Variants in TLCD1 observed in about 807,000 individuals in gnomAD.
The protein encoded by TLCD1 is TLC domain-containing protein 1.
A neutral mutation model predicts 21.2 loss-of-function variants in TLCD1; 21 were observed. The observed-to-expected ratio is 0.99, with a 90% CI of 0.70 to 1.42. The LOEUF (loss-of-function observed/expected upper bound fraction) is 1.42, where lower values mean the gene tolerates loss of function less well. Among genes scored for constraint, TLCD1 ranks in the 40% most tolerant of loss-of-function variants. TLCD1 has a pLI of 0.00. For synonymous variants in TLCD1, 168 were observed against 134.8 expected, an observed-to-expected ratio of 1.25 and a Z score of -1.71; for missense variants, 344 against 330.3, an observed-to-expected ratio of 1.04 and a Z score of -0.32.
upstream of TLCD1, chr17:28,726,327 C>A: frequency 2.3e-6 from 2 of 871,630 alleles, no homozygotes; most frequent in African/African-American, 1.9e-5. Context: ...CCGCCCCGTC[C>A]GCCTGCCCCC....
Position 28,724,367 on chromosome 17 carries a change from T to G in TLCD1, c.*143A>C. ...AAGGACTTCAGAGGAGTACTTTCATTAGTGTTTTCAATAGTGTGGGCGCAG... is the reference window on the plus strand; with the variant it reads ...AAGGACTTCAGAGGAGTACTTTCATGAGTGTTTTCAATAGTGTGGGCGCAG... On this transcript the variant is annotated 3_prime_UTR_variant, in exon 4 of 4. Coordinates refer to ENST00000292090, the MANE Select transcript of TLCD1 (RefSeq NM_138463.4). 1 of 1,048,910 alleles carries G rather than the reference T, an allele frequency of 9.5e-7. No homozygotes were observed. Among genetic ancestry groups the G allele is most frequent in the Non-Finnish European group, 1.4e-6 (1 of 720,268 alleles). 65.0% of individuals were successfully genotyped at this position (1,048,910 alleles called of 1,614,324 possible).
In TLCD1 at chr17:28,724,404, G is replaced by A; in HGVS notation, c.*106C>T. On this transcript the variant is annotated 3_prime_UTR_variant, in exon 4 of 4. Transcript: ENST00000292090. ...TAGTGTGGGCGCAGGCTCAGAAGGT[G>A]GAGAGGCTGGCCTCAGAGGACACCC... 4 of 1,378,452 alleles carry A rather than the reference G, an allele frequency of 2.9e-6. No individual in the cohort carries two copies. Among genetic ancestry groups the A allele is most frequent in the Non-Finnish European group, 4.0e-6 (4 of 1,009,128 alleles). The allele number at this position is 1,378,452 out of a possible 1,614,324, so 85.4% of individuals were successfully genotyped here.
intron 3 of TLCD1, 111 bp downstream of exon 3, chr17:28,725,193 G>T: frequency 8.0e-7 from 1 of 1,244,976 alleles, no homozygotes; most frequent in Non-Finnish European, 1.1e-6. Flanking sequence ...GTAGCACACA[G>T]GTCGGGGGTG....
chr17:28,725,825 G>C (rs2034216046), intron 1 of TLCD1, 79 bp downstream of exon 1: 2 of 1,521,150 alleles, frequency 1.3e-6, no homozygotes, highest in Non-Finnish European at 1.8e-6. Flanking sequence ...GTGAGCGATG[G>C]GGGTAGTAAC....
At chr17:28,725,842 G>T in intron 1 of TLCD1, 62 bp downstream of exon 1, 1 of 1,563,640 alleles carries the variant, frequency 6.4e-7, no homozygotes, top group Non-Finnish European at 8.7e-7. Context: ...TAACACAAGA[G>T]CCGGCCCCGG....
chr17:28,725,421 A>G, intron 2 of TLCD1, 35 bp from the exon 3 acceptor site: 1 of 1,614,040 alleles, frequency 6.2e-7, no homozygotes, highest in Non-Finnish European at 8.5e-7. Flanking sequence ...TCATGAACTG[A>G]ACAAGCAGCT....
In TLCD1 at chr17:28,726,204, C is replaced by T; in HGVS notation, c.-107G>A. ...GCCGGCCGCCTCTCCCGCCGGCCGCCAGCCCCACACAGTTGGCGAAGCCCT... is the reference window on the plus strand; with the variant it reads ...GCCGGCCGCCTCTCCCGCCGGCCGCTAGCCCCACACAGTTGGCGAAGCCCT... On this transcript the variant is annotated 5_prime_UTR_variant, in exon 1 of 4. Transcript: ENST00000292090. 7.3e-7 allele frequency: 1 copy of T among 1,369,422 alleles called. No homozygotes were observed. The highest frequency in any genetic ancestry group is 9.4e-7 in the Non-Finnish European group (1 of 1,069,432). The allele number at this position is 1,369,422 out of a possible 1,614,324, so 84.8% of individuals were successfully genotyped here. A position where few individuals can be genotyped will look rare whatever the true frequency, so the allele number is the denominator to read the frequency against.
At position 28,724,522 on chromosome 17, in the gene TLCD1, GA is replaced by G; in HGVS notation, c.731del (p.Phe244SerfsTer2). The G allele has an allele frequency of 6.2e-7, 1 of 1,613,942 alleles. No homozygotes were observed. The highest frequency in any genetic ancestry group is 8.5e-7 in the Non-Finnish European group (1 of 1,179,878). The stretch of plus-strand genomic sequence containing the variant: ...GGCTCTGTGCCCCTCACTCAGTCAA[GA>G]ACTTGTCTTTGTGTTGCTTCTTGGG... Reference protein sequence around the residue: ...HVPKKQHKDKFLTE With the variant: ...HVPKKQHKDKXLTE On this transcript the variant is annotated frameshift_variant, in exon 4 of 4. Coordinates refer to ENST00000292090, the MANE Select transcript of TLCD1 (RefSeq NM_138463.4). LOFTEE classifies it high-confidence loss of function.
upstream of TLCD1, among the ~76,000 whole-genome samples, chr17:28,726,590 G>A (rs1171699792): frequency 1.3e-5 from 2 of 151,866 alleles, no homozygotes; most frequent in African/African-American, 4.8e-5. Flanking sequence ...AGCTCTCTCC[G>A]CCCTCTACTT....
rs2288595 is a variant in TLCD1 at position 28,725,340 on chromosome 17, C to T, written c.324G>A (p.Thr108=). The T allele has an allele frequency of 0.094, 152,413 of 1,613,804 alleles. 7,839 individuals are homozygous for T. Among genetic ancestry groups the T allele is most frequent in the East Asian group, 0.16 (7,020 of 44,882 alleles). The change falls in exon 3 of 4, where the codon ACG becomes ACA. Residue 108 remains threonine, a synonymous_variant. Transcript: ENST00000292090. ...DTVDIVASGQ[T]RASWEYLVHH... ...GGACAAGGTATTCCCAAGAGGCTCG[C>T]GTCTGTCCGCTAGCCACGATGTCCA... is the stretch of plus-strand genomic sequence containing the variant.
rs201850178 is a variant in TLCD1, at chr17:28,724,747, C to G, written c.507G>C (p.Arg169=). 12 of 1,614,022 alleles carry G rather than the reference C, an allele frequency of 7.4e-6. No individual in the cohort carries two copies. The East Asian group carries it at 2.2e-4, about 30-fold the overall frequency. The change falls in exon 4 of 4, where the codon CGG becomes CGC. Residue 169 remains arginine, a synonymous_variant. Coordinates refer to ENST00000292090, the MANE Select transcript of TLCD1 (RefSeq NM_138463.4). ...ISNAQDHLLY[R]VNKYVNLVMY... ...TGACCAGGTTCACATACTTGTTAACCCGGTAGAGGAGATGATCCTGGGCAT... is the reference window on the plus strand; with the variant it reads ...TGACCAGGTTCACATACTTGTTAACGCGGTAGAGGAGATGATCCTGGGCAT...
At position 28,726,013 on chromosome 17, in the gene TLCD1, G is replaced by GGCGACAGAGCGC. The variant is rs2034220965; in HGVS notation, c.73_84dup (p.Ala25_Arg28dup). 1.9e-6 allele frequency: 3 copies of GGCGACAGAGCGC among 1,601,508 alleles called. No individual in the cohort carries two copies. The East Asian group carries it at 6.9e-5, about 37-fold the overall frequency. On this transcript the variant is annotated inframe_insertion, in exon 1 of 4. Transcript: ENST00000292090. ...GCGCGCACGTGCACGGGTAGGGGCA[G>GGCGACAGAGCGC]GCGACAGAGCGCGCGCCGGAGCGCC...
chr17:28,724,994 A>G (rs1285961026), intron 3 of TLCD1, 101 bp from the exon 4 acceptor site: 2 of 1,315,830 alleles, frequency 1.5e-6, no homozygotes, highest in Non-Finnish European at 2.1e-6. Flanking sequence ...AAAATCCCAA[A>G]TTTCCCCCTG....
chr17:28,724,735 A>G lies in TLCD1; in HGVS notation c.519T>C (p.Tyr173=), dbSNP rs369195549. ...QDHLLYRVNK[Y]VNLVMYFLFR... is the part of the protein sequence containing the mutation. ...AGAGAAAGTACATGACCAGGTTCAC[A>G]TACTTGTTAACCCGGTAGAGGAGAT... Residue 173 remains tyrosine (Y), a synonymous_variant, in exon 4 of 4, where the codon TAT becomes TAC. Coordinates refer to ENST00000292090, the MANE Select transcript of TLCD1 (RefSeq NM_138463.4). 8 of 1,614,074 alleles carry G rather than the reference A, an allele frequency of 5.0e-6. No homozygotes were observed. The highest frequency in any genetic ancestry group is 4.0e-5 in the African/African-American group (3 of 74,926).
chr17:28,725,461 G>A lies in TLCD1; in HGVS notation c.277+20C>T, dbSNP rs1192838417. ...TCTCCCTGTCCCCAATTTGCCTCCCGCTTCCTGGGCAAGACCTACCCGCAG... is the reference window on the plus strand; with the variant it reads ...TCTCCCTGTCCCCAATTTGCCTCCCACTTCCTGGGCAAGACCTACCCGCAG... On this transcript the variant is annotated intron_variant, in intron 2 of 3. Transcript: ENST00000292090. 6.2e-7 allele frequency: 1 copy of A among 1,614,124 alleles called. No individual in the cohort carries two copies. Among genetic ancestry groups the A allele is most frequent in the Non-Finnish European group, 8.5e-7 (1 of 1,179,988 alleles).
At position 28,724,622 on chromosome 17, in the gene TLCD1, A is replaced by G. The variant is rs759689728; in HGVS notation, c.632T>C (p.Leu211Pro). 2 of 1,614,220 alleles carry G rather than the reference A, an allele frequency of 1.2e-6. No homozygotes were observed. The highest frequency in any genetic ancestry group is 1.7e-6 in the Non-Finnish European group (2 of 1,180,026). The stretch of plus-strand genomic sequence containing the variant: ...TATGATCATCACGTCCAGCATGAGC[A>G]GGATACCCAGCAGGAAGGTGCCCAG... ...RTLGTFLLGILLMLDVMIIIY... is the reference protein window; with the variant it reads ...RTLGTFLLGIPLMLDVMIIIY... Residue 211 changes from leucine to proline, a missense_variant, in exon 4 of 4, where the codon CTG becomes CCG. Transcript: ENST00000292090.
upstream of TLCD1, chr17:28,726,778 G>A (rs1194179728): frequency 1.4e-5 from 21 of 1,549,278 alleles, no homozygotes; most frequent in Non-Finnish European, 1.7e-5. Flanking sequence ...CGCCCGCGAG[G>A]TGGGCACTTG....
intron 1 of TLCD1, 40 bp from the exon 2 acceptor site, chr17:28,725,603 C>T (rs780817633): frequency 2.5e-6 from 4 of 1,599,724 alleles, no homozygotes; most frequent in Non-Finnish European, 3.4e-6. Flanking sequence ...TTTCGGCACC[C>T]TCAAGGACCA....
intron 3 of TLCD1, 43 bp downstream of exon 3, chr17:28,725,261 T>C (rs767377189): frequency 2.5e-6 from 4 of 1,601,220 alleles, no homozygotes; most frequent in Non-Finnish European, 3.4e-6. Flanking sequence ...GAGACTAGAT[T>C]ACTGACACCA....
Sources: allele counts gnomAD v4.1 joint callset (sites outside exome capture counted in the v4.1 genomes callset), GRCh38; gene constraint gnomAD v4.1.1; transcripts MANE v1.5; gene names NCBI Gene and HGNC (gene_info 2026-07-23, HGNC 2026-07-21).